The following VPS13C variants were observed in gnomAD, a reference collection of about 807,000 sequenced individuals.
The protein encoded by VPS13C is intermembrane lipid transfer protein VPS13C.
VPS13C carries 358 observed loss-of-function variants against 456.8 expected under a neutral mutation model. The ratio of observed to expected loss-of-function variants is 0.78; its 90% CI spans 0.72 to 0.86. The LOEUF (loss-of-function observed/expected upper bound fraction) is 0.86. VPS13C is among the 40% of genes least tolerant of loss of function. The pLI, the probability that VPS13C is intolerant of heterozygous loss-of-function variation, is 0.00. For synonymous variants in VPS13C, 1,578 were observed against 1,486.7 expected, an observed-to-expected ratio of 1.06 and a Z score of -1.41; for missense variants, 4,818 against 4,385.4, an observed-to-expected ratio of 1.10 and a Z score of -2.79.
intron 68 of VPS13C, 122 bp from the exon 69 acceptor site, chr15:61,882,858 T>A: frequency 1.0e-6 from 1 of 966,314 alleles, no homozygotes; most frequent in Non-Finnish European, 1.4e-6. Context: ...CCAACAGATC[T>A]ATCTTAAGGT....
At chr15:61,984,120 C>A (rs2045966371) in intron 19 of VPS13C, 108 bp from the exon 20 acceptor site, 2 of 966,014 alleles carry the variant, frequency 2.1e-6, no homozygotes, top group East Asian at 5.2e-5. Context: ...CAGGACCATC[C>A]ATGCACATTA....
At chr15:61,897,883 A>G (rs1219345197) in intron 66 of VPS13C, among the ~76,000 whole-genome samples, 1 of 152,256 alleles carries the variant, frequency 6.6e-6, no homozygotes, top group Non-Finnish European at 1.5e-5. Flanking sequence ...AGGGAAGCCC[A>G]TCAGACTAAC....
At chr15:62,018,411 T>C (rs1402813434) in intron 9 of VPS13C, among the ~76,000 whole-genome samples, 1 of 151,810 alleles carries the variant, frequency 6.6e-6, no homozygotes, top group African/African-American at 2.4e-5. Context: ...CACTATGATA[T>C]TGGCTGTGGG....
At chr15:61,930,121 G>A (rs2044005695) in intron 50 of VPS13C, among the ~76,000 whole-genome samples, 1 of 152,118 alleles carries the variant, frequency 6.6e-6, no homozygotes, top group Non-Finnish European at 1.5e-5. Context: ...AATAAAGGCA[G>A]CCTTTTAATA....
chr15:61,905,228 GTATCCCCCA>G (rs1444384624), intron 66 of VPS13C, among the ~76,000 whole-genome samples: 1 of 152,064 alleles, frequency 6.6e-6, no homozygotes, highest in Non-Finnish European at 1.5e-5. Flanking sequence ...AATATCACAG[GTATCCCCCA>G]AAATGTACAA....
At chr15:61,952,817 C>T (rs1209383691) in intron 38 of VPS13C, among the ~76,000 whole-genome samples, 1 of 152,054 alleles carries the variant, frequency 6.6e-6, no homozygotes, top group Non-Finnish European at 1.5e-5. Flanking sequence ...CTCCTGGGCT[C>T]AAGCGATCCT....
intron 67 of VPS13C, among the ~76,000 whole-genome samples, chr15:61,888,920 T>G (rs954320538): frequency 6.6e-6 from 1 of 152,114 alleles, no homozygotes; most frequent in Admixed American, 6.6e-5. Flanking sequence ...GTAACAAATG[T>G]ACCACACTAC....
At chr15:61,915,502 C>T (rs2043442799) in intron 61 of VPS13C, 131 bp downstream of exon 61, 1 of 986,232 alleles carries the variant, frequency 1.0e-6, no homozygotes, top group African/African-American at 1.6e-5. Flanking sequence ...ACGCTTAAGT[C>T]TCCTTGAACC....
intron 18 of VPS13C, among the ~76,000 whole-genome samples, chr15:61,986,807 A>G (rs539229348): frequency 6.6e-6 from 1 of 152,276 alleles, no homozygotes; most frequent in African/African-American, 2.4e-5. Context: ...ACAAAAGAAA[A>G]TGCAGGCCAA....
intron 67 of VPS13C, among the ~76,000 whole-genome samples, chr15:61,885,142 T>C (rs1270426088): frequency 1.3e-5 from 2 of 152,066 alleles, no homozygotes; most frequent in Admixed American, 6.6e-5. Flanking sequence ...GTTTTAACCT[T>C]GGACAGCACA....
rs1030793050 is a variant in VPS13C, at chr15:61,972,868, T to C, written c.2618-104A>G. On this transcript the variant is annotated intron_variant, in intron 26 of 84. Coordinates refer to ENST00000644861, the MANE Select transcript of VPS13C (RefSeq NM_020821.3). ...AAAAGTGAAATTCATTTATTAGATA[T>C]AATCTTCATATTCAGCATCAGAATA... The C allele has an allele frequency of 7.2e-6, 9 of 1,244,138 alleles. No individual in the cohort carries two copies. In the African/African-American group the frequency reaches 1.2e-4, roughly 17 times the overall value. The allele number at this position is 1,244,138 out of a possible 1,614,324, so 77.1% of individuals were successfully genotyped here.
chr15:62,011,082 T>C (rs2047023352), intron 12 of VPS13C, among the ~76,000 whole-genome samples: 1 of 152,126 alleles, frequency 6.6e-6, no homozygotes, highest in South Asian at 2.1e-4. Flanking sequence ...ATTGTCAAAA[T>C]AATCATTACG....
chr15:61,867,411 C>A lies in VPS13C; in HGVS notation c.10863+1248G>T. Reference sequence around the variant, plus strand: ...TTATTACTTGAGGTCTAAGGGCAGGCTCAGAGCAACTGACAATTCAATTAT... The same window carrying A: ...TTATTACTTGAGGTCTAAGGGCAGGATCAGAGCAACTGACAATTCAATTAT... On this transcript the variant is annotated intron_variant, in intron 81 of 84. Transcript: ENST00000644861. The surrounding 1 kb of genome is among the most constrained non-coding windows in gnomAD (Gnocchi z 5.0). The A allele has an allele frequency of 2.0e-6, 2 of 986,284 alleles. No homozygotes were observed. The highest frequency in any genetic ancestry group is 2.4e-6 in the Non-Finnish European group (2 of 830,654). The allele number at this position is 986,284 out of a possible 1,614,324, so 61.1% of individuals were successfully genotyped here. A position where few individuals can be genotyped will look rare whatever the true frequency, so the allele number is the denominator to read the frequency against.
At chr15:62,059,251 T>C (rs550386498) in intron 1 of VPS13C, among the ~76,000 whole-genome samples, 30 of 152,342 alleles carry the variant, frequency 2.0e-4, no homozygotes, top group African/African-American at 7.2e-4. Context: ...ACTAACCTCA[T>C]ATCAAGTGCT....
Position 61,873,403 on chromosome 15 carries a change from G to T in VPS13C, c.10421C>A (p.Ala3474Glu), listed in dbSNP as rs1342457868. Reference protein sequence around the residue: ...RSLFGHTVGGAAGVVSRITGS... With the variant: ...RSLFGHTVGGEAGVVSRITGS... Reference sequence around the variant, plus strand: ...GGTGATTCGAGATACAACTCCTGCTGCACCACCTATCAAAGACAAGGGATT... The same window carrying T: ...GGTGATTCGAGATACAACTCCTGCTTCACCACCTATCAAAGACAAGGGATT... Residue 3474 changes from alanine to glutamate, a missense_variant, in exon 78 of 85, where the codon GCA becomes GAA. Ala to Glu is a moderately radical substitution (Grantham distance 107). Around this residue, in one of 3 missense-constraint regions of VPS13C, gnomAD observed 4,552 missense variants for 4,130.6 expected, o/e 1.10. Coordinates refer to ENST00000644861, the MANE Select transcript of VPS13C (RefSeq NM_020821.3). 3 of 1,613,222 alleles carry T rather than the reference G, an allele frequency of 1.9e-6. No individual in the cohort carries two copies. In the Admixed American group the frequency reaches 5.0e-5, roughly 27 times the overall value.
chr15:61,961,394 A>AACACACACACACACACACAC (rs66786972), intron 35 of VPS13C, among the ~76,000 whole-genome samples, 195 bp downstream of exon 35: 1 of 132,614 alleles, frequency 7.5e-6, no homozygotes, highest in Non-Finnish European at 1.6e-5. Context: ...TCCAACTCAA[A>AACACACACACACACACACAC]ACACACACAC....
chr15:62,002,996 A>C (rs9920135), intron 15 of VPS13C, among the ~76,000 whole-genome samples: 2 of 151,782 alleles, frequency 1.3e-5, no homozygotes, highest in African/African-American at 4.9e-5. Flanking sequence ...TTGACTTGGC[A>C]ATGCGGGCTC....
intron 18 of VPS13C, among the ~76,000 whole-genome samples, chr15:61,988,488 G>T (rs2414754): frequency 0.5 from 76,666 of 152,002 alleles, 20,002 homozygotes; most frequent in Admixed American, 0.6. Flanking sequence ...ATTTATAGGT[G>T]AAAAGACTCA....
intron 18 of VPS13C, among the ~76,000 whole-genome samples, chr15:61,988,030 G>T (rs2046111153): frequency 6.6e-6 from 1 of 152,140 alleles, no homozygotes; most frequent in Non-Finnish European, 1.5e-5. Flanking sequence ...TTCATACAAT[G>T]AAATACTATT....
Sources: allele counts gnomAD v4.1 joint callset (sites outside exome capture counted in the v4.1 genomes callset), GRCh38; gene constraint gnomAD v4.1.1; regional missense constraint gnomAD v4.1.1; non-coding constraint Gnocchi (gnomAD v3.1); transcripts MANE v1.5; gene names NCBI Gene and HGNC (gene_info 2026-07-23, HGNC 2026-07-21).